The following TTC28 variants were observed in gnomAD, a reference collection of about 807,000 sequenced individuals.
The protein encoded by TTC28 is tetratricopeptide repeat domain 28.
A neutral mutation model predicts 198.0 loss-of-function variants in TTC28; 61 were observed. The ratio of observed to expected loss-of-function variants is 0.31; its 90% CI spans 0.25 to 0.38. TTC28 has a LOEUF of 0.38. TTC28 is among the 10% of genes least tolerant of loss of function. The probability of loss-of-function intolerance (pLI) is 1.00; values close to 1 mark genes in which losing one functional copy is unlikely to be tolerated. For missense variants in TTC28, 2,678 were observed against 3,164.0 expected, an observed-to-expected ratio of 0.85 and a Z score of 3.69; for synonymous variants, 1,171 against 1,297.8, an observed-to-expected ratio of 0.90 and a Z score of 2.10.
At chr22:28,525,642 C>A (rs1403834780) in intron 2 of TTC28, among the ~76,000 whole-genome samples, 2 of 152,126 alleles carry the variant, frequency 1.3e-5, no homozygotes, top group Non-Finnish European at 2.9e-5. Context: ...ATCTATACTC[C>A]ATGAGGCTTC....
At chr22:28,553,517 C>G (rs2049731178) in intron 2 of TTC28, among the ~76,000 whole-genome samples, 1 of 151,710 alleles carries the variant, frequency 6.6e-6, no homozygotes, top group East Asian at 2.0e-4. Flanking sequence ...GCCCGGCCGC[C>G]CCGTCTGAGA....
chr22:28,122,160 G>A (rs542587727), intron 6 of TTC28, among the ~76,000 whole-genome samples: 16 of 152,220 alleles, frequency 1.1e-4, no homozygotes, highest in Admixed American at 3.3e-4. Context: ...GAACCACCGC[G>A]CTCAGCCTGC....
In TTC28 at chr22:27,981,748, A is replaced by G. The variant is rs1161870720; in HGVS notation, c.*473T>C. 6.5e-6 allele frequency: 1 copy of G among 154,188 alleles called. No individual in the cohort carries two copies. Among genetic ancestry groups the G allele is most frequent in the Non-Finnish European group, 1.4e-5 (1 of 69,518 alleles). The allele number at this position is 154,188 out of a possible 1,614,324, so 9.6% of individuals were successfully genotyped here. A position where few individuals can be genotyped will look rare whatever the true frequency, so the allele number is the denominator to read the frequency against. On this transcript the variant is annotated 3_prime_UTR_variant, in exon 23 of 23. Coordinates refer to ENST00000397906, the MANE Select transcript of TTC28 (RefSeq NM_001145418.2). ...ATATAACACTTTCCTGTAGAATTCA[A>G]CTGAAATTTCATATATCCCACCCCC...
At chr22:28,082,630 A>G (rs1941408771) in intron 12 of TTC28, among the ~76,000 whole-genome samples, 1 of 152,146 alleles carries the variant, frequency 6.6e-6, no homozygotes, top group African/African-American at 2.4e-5. Flanking sequence ...CTTTTAATGT[A>G]TTATTGAATT....
In TTC28 at chr22:28,050,652, T is replaced by C. The variant is rs185083680; in HGVS notation, c.3933-20286A>G. On this transcript the variant is annotated intron_variant, in intron 12 of 22. Coordinates refer to ENST00000397906, the MANE Select transcript of TTC28 (RefSeq NM_001145418.2). ...ACCTGCCTGAGTCAGTGTTTAAAGA[T>C]TTTTGTTTCCTACACATGCACTAAT... 3.5e-4 allele frequency among the ~76,000 whole-genome samples: 53 copies of C among 152,276 alleles called. 1 individual carries two copies. Among genetic ancestry groups the C allele is most frequent in the South Asian group, 1.5e-3 (7 of 4,824 alleles).
At chr22:28,613,002 T>C (rs553185472) in intron 2 of TTC28, among the ~76,000 whole-genome samples, 8 of 151,924 alleles carry the variant, frequency 5.3e-5, no homozygotes, top group Non-Finnish European at 5.9e-5. Flanking sequence ...CTGAAGGAGA[T>C]AGAGACATGA....
intron 2 of TTC28, among the ~76,000 whole-genome samples, chr22:28,311,468 T>C (rs574335920): frequency 7.8e-4 from 118 of 152,206 alleles, no homozygotes; most frequent in Non-Finnish European, 1.1e-3. Context: ...TTAGAGAATA[T>C]GTAAACCTTG....
intron 2 of TTC28, among the ~76,000 whole-genome samples, chr22:28,318,073 A>T (rs1009449384): frequency 6.9e-4 from 96 of 139,816 alleles, no homozygotes; most frequent in Non-Finnish European, 1.0e-3. Flanking sequence ...CAGCTAATTA[A>T]TTTTTTTTTT....
chr22:28,149,901 A>G (rs1463483402), intron 6 of TTC28, among the ~76,000 whole-genome samples: 1 of 152,222 alleles, frequency 6.6e-6, no homozygotes, highest in African/African-American at 2.4e-5. Flanking sequence ...AAATGTTCTC[A>G]CCAGCAAAAA....
intron 7 of TTC28, 81 bp downstream of exon 7, chr22:28,106,981 T>C (rs537595542): frequency 2.7e-6 from 4 of 1,465,430 alleles, no homozygotes; most frequent in East Asian, 2.5e-5. Context: ...CAAACTGCCA[T>C]GCAGACACGA....
intron 12 of TTC28, among the ~76,000 whole-genome samples, chr22:28,048,236 G>A (rs1939943351): frequency 6.6e-6 from 1 of 152,102 alleles, no homozygotes; most frequent in Non-Finnish European, 1.5e-5. Context: ...CCTGTAAAGT[G>A]CAAGATGCTA....
intron 12 of TTC28, among the ~76,000 whole-genome samples, chr22:28,031,695 G>T (rs995845938): frequency 2.0e-5 from 3 of 152,182 alleles, no homozygotes; most frequent in Non-Finnish European, 4.4e-5. Flanking sequence ...AATGCTCTAT[G>T]TGAACACCAA....
intron 1 of TTC28, among the ~76,000 whole-genome samples, chr22:28,644,414 A>AAAAAG (rs2051422472): frequency 6.6e-6 from 1 of 150,586 alleles, no homozygotes; most frequent in Non-Finnish European, 1.5e-5. Flanking sequence ...AAAAAAAAAA[A>AAAAAG]ATACAGAACT....
chr22:28,215,995 C>T (rs932313476), intron 5 of TTC28, among the ~76,000 whole-genome samples: 1 of 152,140 alleles, frequency 6.6e-6, no homozygotes, highest in African/African-American at 2.4e-5. Context: ...GCATCCTACA[C>T]CATGTTACAG....
In TTC28 at chr22:28,616,846, C is replaced by G. The variant is rs571337861; in HGVS notation, c.381+12706G>C. ...TGGGTGACAGAGCAAGACCCTGTCT[C>G]AAAAAAAAAAAAAATTCTGTCATCA... On this transcript the variant is annotated intron_variant, in intron 2 of 22. Coordinates refer to ENST00000397906, the MANE Select transcript of TTC28 (RefSeq NM_001145418.2). Among the ~76,000 whole-genome samples the G allele has an allele frequency of 9.8e-5, 13 of 132,506 alleles. 1 individual carries two copies. In the South Asian group the frequency reaches 3.1e-3, roughly 32 times the overall value. The allele number at this position is 132,506 out of a possible 152,430, so 86.9% of individuals were successfully genotyped here.
At chr22:28,064,184 T>C (rs1439311821) in intron 12 of TTC28, among the ~76,000 whole-genome samples, 1 of 152,176 alleles carries the variant, frequency 6.6e-6, no homozygotes, top group Non-Finnish European at 1.5e-5. Context: ...CTGATGGTCA[T>C]GTTATATTTA....
rs567521749 is a variant in TTC28, at chr22:28,165,954, C to A, written c.934-2355G>T. On this transcript the variant is annotated intron_variant, in intron 5 of 22. Coordinates refer to ENST00000397906, the MANE Select transcript of TTC28 (RefSeq NM_001145418.2). ...AACCCATCTCACATGCAGAGACACA[C>A]ATAGGCTCAAAATAAAGGGACGGAG... is the stretch of plus-strand genomic sequence containing the variant. Among the ~76,000 whole-genome samples, 8 of 152,136 alleles carry A rather than the reference C, an allele frequency of 5.3e-5. No homozygotes were observed. The East Asian group carries it at 1.2e-3, about 22-fold the overall frequency.
At chr22:28,046,240 C>T (rs1470921478) in intron 12 of TTC28, among the ~76,000 whole-genome samples, 2 of 152,118 alleles carry the variant, frequency 1.3e-5, no homozygotes, top group East Asian at 1.9e-4. Flanking sequence ...CAGTCACATG[C>T]CATTTAATAA....
chr22:28,492,586 A>G (rs1245411107), intron 2 of TTC28, among the ~76,000 whole-genome samples: 3 of 152,238 alleles, frequency 2.0e-5, no homozygotes, highest in Admixed American at 6.5e-5. Flanking sequence ...TGAACAAGTG[A>G]TAAGATACCA....
Sources: gnomAD v4.1 joint callset for allele counts (sites outside exome capture counted in the v4.1 genomes callset) on GRCh38, gnomAD v4.1.1 for gene constraint, MANE v1.5 for transcripts, NCBI Gene and HGNC (gene_info 2026-07-23, HGNC 2026-07-21) for gene names.